CFAP299: variants seen among roughly 807,000 people sequenced by gnomAD.
The protein encoded by CFAP299 is cilia and flagella associated protein 299.
A neutral mutation model predicts 27.0 loss-of-function variants in CFAP299; 21 were observed. The ratio of observed to expected loss-of-function variants is 0.78; its 90% CI spans 0.55 to 1.12. The LOEUF is 1.12. CFAP299 is among the 50% of genes most tolerant of loss of function. The pLI, the probability that CFAP299 is intolerant of heterozygous loss-of-function variation, is 0.00. For synonymous variants in CFAP299, 104 were observed against 98.1 expected, an observed-to-expected ratio of 1.06 and a Z score of -0.36; for missense variants, 310 against 276.6, an observed-to-expected ratio of 1.12 and a Z score of -0.86.
At chr4:80,375,256 C>G (rs904082594) in intron 2 of CFAP299, among the ~76,000 whole-genome samples, 1 of 152,176 alleles carries the variant, frequency 6.6e-6, no homozygotes, top group African/African-American at 2.4e-5. Flanking sequence ...TTAACTTTTG[C>G]ATTATTAACC....
chr4:80,335,909 C>T (rs746422776), intron 1 of CFAP299, 30 bp downstream of exon 1: 1 of 1,380,204 alleles, frequency 7.2e-7, no homozygotes, highest in Admixed American at 1.7e-5. Flanking sequence ...GAGTAGCCGC[C>T]GCCGCGCGTC....
chr4:80,864,458 G>A (rs1285838892), intron 3 of CFAP299, among the ~76,000 whole-genome samples: 3 of 141,974 alleles, frequency 2.1e-5, no homozygotes, highest in Non-Finnish European at 3.0e-5. Flanking sequence ...ACCTATATAA[G>A]TATATATATA....
chr4:80,589,716 G>A (rs1736627016), intron 3 of CFAP299, among the ~76,000 whole-genome samples: 1 of 152,172 alleles, frequency 6.6e-6, no homozygotes, highest in African/African-American at 2.4e-5. Flanking sequence ...TAATCTGATT[G>A]CTAATCAGAG....
chr4:80,523,727 C>A (rs886394190), intron 2 of CFAP299, among the ~76,000 whole-genome samples: 2 of 152,160 alleles, frequency 1.3e-5, no homozygotes, highest in African/African-American at 4.8e-5. Flanking sequence ...TAGACTATGA[C>A]TACGTCACTG....
chr4:80,590,405 G>A (rs1380281191), intron 3 of CFAP299, among the ~76,000 whole-genome samples: 4 of 152,144 alleles, frequency 2.6e-5, no homozygotes, highest in Admixed American at 6.5e-5. Context: ...TTGGAAGGCC[G>A]AGATGGGCAG....
intron 3 of CFAP299, among the ~76,000 whole-genome samples, chr4:80,732,767 C>G (rs1483649477): frequency 2.0e-5 from 3 of 151,984 alleles, no homozygotes; most frequent in African/African-American, 7.2e-5. Flanking sequence ...CTATATGTTC[C>G]TCGTACTAGA....
chr4:80,639,903 C>T (rs1326707177), intron 3 of CFAP299: 2 of 152,204 alleles, frequency 1.3e-5, no homozygotes, highest in African/African-American at 2.4e-5. Flanking sequence ...AACTCTTGAC[C>T]TCAGATGATC....
At chr4:80,559,658 T>C (rs1040880501) in intron 2 of CFAP299, among the ~76,000 whole-genome samples, 7 of 152,174 alleles carry the variant, frequency 4.6e-5, no homozygotes, top group African/African-American at 1.7e-4. Context: ...AGATCATCTC[T>C]GGGCAGTGGG....
intron 2 of CFAP299, among the ~76,000 whole-genome samples, chr4:80,421,732 A>G (rs1200849181): frequency 1.3e-5 from 2 of 152,168 alleles, no homozygotes; most frequent in Non-Finnish European, 2.9e-5. Context: ...TTAGATGCAA[A>G]TCTTCAGGGT....
chr4:80,799,856 A>C lies in CFAP299; in HGVS notation c.334-70137A>C, dbSNP rs1438614769. 6.2e-4 allele frequency among the ~76,000 whole-genome samples: 17 copies of C among 27,266 alleles called. 1 individual carries two copies. The highest frequency in any genetic ancestry group is 2.1e-3 in the Admixed American group (3 of 1,438). The allele number at this position is 27,266 out of a possible 152,430, so 17.9% of individuals were successfully genotyped here. A position where few individuals can be genotyped will look rare whatever the true frequency, so the allele number is the denominator to read the frequency against. ...TATATATTATATTATATAATATATA[A>C]ATATATATTATATATATTATATTAT... On this transcript the variant is annotated intron_variant, in intron 3 of 5. Transcript: ENST00000358105.
chr4:80,855,150 A>G (rs1009702811), intron 3 of CFAP299, among the ~76,000 whole-genome samples: 7 of 152,098 alleles, frequency 4.6e-5, no homozygotes, highest in Non-Finnish European at 8.8e-5. Flanking sequence ...AAGAAAGAAT[A>G]GATATTTGTT....
intron 3 of CFAP299, among the ~76,000 whole-genome samples, chr4:80,661,451 T>G (rs901826174): frequency 2.0e-5 from 3 of 152,022 alleles, no homozygotes; most frequent in African/African-American, 7.2e-5. Flanking sequence ...CCCAAATTAA[T>G]ACTTTTATAA....
At chr4:80,388,136 C>T in intron 2 of CFAP299, 1 of 674,876 alleles carries the variant, frequency 1.5e-6, no homozygotes, top group Non-Finnish European at 2.7e-6. Flanking sequence ...CCCAGGGGGG[C>T]CCAGGCTGTG....
intron 3 of CFAP299, among the ~76,000 whole-genome samples, chr4:80,685,494 G>A (rs1051742230): frequency 5.3e-5 from 8 of 151,900 alleles, no homozygotes; most frequent in Non-Finnish European, 1.0e-4. Flanking sequence ...ATAGGTTCTT[G>A]TATACAAAAA....
At position 80,897,339 on chromosome 4, in the gene CFAP299, A is replaced by G. The variant is rs573834403; in HGVS notation, c.476+27204A>G. The stretch of plus-strand genomic sequence containing the variant: ...TGTGCCTGGCATTGGGAATTCAGCA[A>G]TTGACAGGAATGGTTAGCTTCTCTT... On this transcript the variant is annotated intron_variant, in intron 4 of 5. Coordinates refer to ENST00000358105, the MANE Select transcript of CFAP299 (RefSeq NM_152770.3). Among the ~76,000 whole-genome samples the G allele has an allele frequency of 3.9e-5, 6 of 152,306 alleles. No homozygotes were observed. In the East Asian group the frequency reaches 1.2e-3, roughly 29 times the overall value.
chr4:80,961,984 A>G (rs759541497), intron 5 of CFAP299, among the ~76,000 whole-genome samples: 2 of 151,936 alleles, frequency 1.3e-5, no homozygotes, highest in Non-Finnish European at 2.9e-5. Flanking sequence ...GACAAAAACA[A>G]AACACAAAAA....
chr4:80,589,670 A>G (rs926011116), intron 3 of CFAP299, among the ~76,000 whole-genome samples: 3 of 152,228 alleles, frequency 2.0e-5, no homozygotes, highest in African/African-American at 7.2e-5. Context: ...AGGAAGCCAA[A>G]TAGTTCAATC....
chr4:80,665,179 C>T (rs909343559), intron 3 of CFAP299, among the ~76,000 whole-genome samples: 1 of 152,186 alleles, frequency 6.6e-6, no homozygotes, highest in Non-Finnish European at 1.5e-5. Context: ...ATTTGGCCAT[C>T]TTGCCAGCCA....
chr4:80,457,733 T>A (rs1440998590), intron 2 of CFAP299, among the ~76,000 whole-genome samples: 1 of 152,162 alleles, frequency 6.6e-6, no homozygotes, highest in Non-Finnish European at 1.5e-5. Flanking sequence ...TTTCATGGGA[T>A]GCTCCATGCA....
Sources: gnomAD v4.1 joint callset for allele counts (sites outside exome capture counted in the v4.1 genomes callset) on GRCh38, gnomAD v4.1.1 for gene constraint, MANE v1.5 for transcripts, NCBI Gene and HGNC (gene_info 2026-07-23, HGNC 2026-07-21) for gene names.